Variants in SPATA13 observed in about 807,000 individuals in gnomAD.
The protein encoded by SPATA13 is spermatogenesis-associated protein 13.
Under a neutral mutation model 104.0 loss-of-function variants are expected in SPATA13, and 50 were observed. The ratio of observed to expected loss-of-function variants is 0.48; its 90% CI spans 0.38 to 0.61. The LOEUF (loss-of-function observed/expected upper bound fraction) is 0.61, where lower values mean the gene tolerates loss of function less well. SPATA13 is among the 20% of genes least tolerant of loss of function. The pLI is 0.00. For missense variants in SPATA13, 1,524 were observed against 1,690.6 expected (o/e 0.90, Z 1.73); for synonymous variants, 606 against 667.5 (o/e 0.91, Z 1.42).
rs1335977005 is a variant in SPATA13, at chr13:24,249,501, C to T, written c.1678C>T (p.Arg560Ter). 8 of 1,582,656 alleles carry T rather than the reference C, an allele frequency of 5.1e-6. No homozygotes were observed. Among genetic ancestry groups the T allele is most frequent in the African/African-American group, 1.4e-5 (1 of 74,056 alleles). ...GGTCGTCCCTGATGGCCCCTGGAGG[C>T]GAAGCTCATCACAGGATGAGGAAAG... is the stretch of plus-strand genomic sequence containing the variant. ...EEVVPDGPWR[R>*]SSSQDEERTE... The change falls in exon 3 of 13, where the codon CGA (arginine) becomes TGA (stop). Residue 560 changes from arginine (R) to a stop codon, truncating the protein, a stop_gained. Coordinates refer to ENST00000382108, the MANE Select transcript of SPATA13 (RefSeq NM_001166271.3). LOFTEE classifies it high-confidence loss of function.
At chr13:24,000,024 T>C (rs1432870708) in intron 2 of SPATA13, among the ~76,000 whole-genome samples, 1 of 152,220 alleles carries the variant, frequency 6.6e-6, no homozygotes, top group Non-Finnish European at 1.5e-5. Flanking sequence ...AAAATAGTGC[T>C]TGCCCTCATT....
At chr13:24,171,500 T>A (rs1882965805) in intron 1 of SPATA13, among the ~76,000 whole-genome samples, 1 of 152,092 alleles carries the variant, frequency 6.6e-6, no homozygotes, top group African/African-American at 2.4e-5. Context: ...CAGATGACAG[T>A]GGGAGTGCCA....
At position 24,214,396 on chromosome 13, in the gene SPATA13, G is replaced by A. The variant is rs547721954; in HGVS notation, c.-111-8423G>A. Among the ~76,000 whole-genome samples, 9 of 152,286 alleles carry A rather than the reference G, an allele frequency of 5.9e-5. No homozygotes were observed. In the South Asian group the frequency reaches 1.9e-3, roughly 32 times the overall value. On this transcript the variant is annotated intron_variant, in intron 1 of 12. Transcript: ENST00000382108. ...AACTATCAACTTTACATGTTACCAA[G>A]AAAGGTGTCACGCCATGAGAATAAT...
intron 4 of SPATA13, among the ~76,000 whole-genome samples, chr13:24,275,945 C>A (rs1013913952): frequency 6.6e-6 from 1 of 152,132 alleles, no homozygotes; most frequent in East Asian, 1.9e-4. Context: ...CACCCCTCCC[C>A]CAAAAAATGT....
chr13:24,023,631 A>G (rs1877080356), intron 3 of SPATA13, among the ~76,000 whole-genome samples: 1 of 152,166 alleles, frequency 6.6e-6, no homozygotes, highest in South Asian at 2.1e-4. Context: ...GCCCAGTGTA[A>G]TAACAAGGGT....
intron 2 of SPATA13, among the ~76,000 whole-genome samples, chr13:24,010,712 A>C: frequency 2.0e-5 from 3 of 147,576 alleles, no homozygotes; most frequent in Admixed American, 6.7e-5. Flanking sequence ...CTTCCTCCCC[A>C]CTCCTCCCTC....
chr13:24,148,646 T>C (rs1273617785), intron 3 of SPATA13, among the ~76,000 whole-genome samples: 2 of 152,206 alleles, frequency 1.3e-5, no homozygotes, highest in Admixed American at 1.3e-4. Context: ...AGAACTTGGT[T>C]GAAGAGTTGA....
intron 4 of SPATA13, among the ~76,000 whole-genome samples, chr13:24,276,894 G>T (rs1223808043): frequency 1.3e-5 from 2 of 152,200 alleles, no homozygotes; most frequent in South Asian, 2.1e-4. Flanking sequence ...GAGGAACTCT[G>T]CCCAGCAGAG....
intron 2 of SPATA13, among the ~76,000 whole-genome samples, chr13:23,995,257 A>G (rs566184662): frequency 1.3e-5 from 2 of 152,298 alleles, no homozygotes; most frequent in South Asian, 2.1e-4. Flanking sequence ...TTTTATCCCT[A>G]GAAAGACAAA....
At chr13:24,169,854 C>T (rs1882896761) in intron 1 of SPATA13, among the ~76,000 whole-genome samples, 2 of 152,310 alleles carry the variant, frequency 1.3e-5, no homozygotes, top group Non-Finnish European at 2.9e-5. Flanking sequence ...TGCCTGCAGA[C>T]TCCACTCGGC....
intron 3 of SPATA13, among the ~76,000 whole-genome samples, chr13:24,090,210 C>T (rs1879867159): frequency 6.6e-6 from 1 of 151,948 alleles, no homozygotes; most frequent in South Asian, 2.1e-4. Context: ...CCCTTATGGA[C>T]TTTCCTCTGC....
intron 3 of SPATA13, among the ~76,000 whole-genome samples, chr13:24,100,227 T>C (rs1017985502): frequency 1.6e-4 from 25 of 152,204 alleles, no homozygotes; most frequent in African/African-American, 6.0e-4. Flanking sequence ...GGTCTTTCAA[T>C]GTGTTTACTG....
intron 3 of SPATA13, among the ~76,000 whole-genome samples, chr13:24,153,453 C>T (rs1439600693): frequency 6.6e-6 from 1 of 152,206 alleles, no homozygotes; most frequent in Non-Finnish European, 1.5e-5. Context: ...AGCTAGGGTT[C>T]TGCTAGTACA....
intron 3 of SPATA13, among the ~76,000 whole-genome samples, chr13:24,027,083 C>G (rs969561299): frequency 1.4e-5 from 2 of 147,684 alleles, no homozygotes; most frequent in African/African-American, 5.0e-5. Flanking sequence ...TCTTTTCTCT[C>G]TTATATCCCT....
At chr13:24,118,633 C>T (rs1880929640) in intron 3 of SPATA13, among the ~76,000 whole-genome samples, 1 of 152,104 alleles carries the variant, frequency 6.6e-6, no homozygotes, top group South Asian at 2.1e-4. Context: ...TGCATTTTCA[C>T]CAAGTTCCTG....
intron 3 of SPATA13, among the ~76,000 whole-genome samples, chr13:24,103,543 A>G (rs949069740): frequency 5.7e-5 from 8 of 140,666 alleles, no homozygotes; most frequent in Non-Finnish European, 1.2e-4. Flanking sequence ...AGAGAGAGAG[A>G]AGAGAGAGAG....
intron 1 of SPATA13, among the ~76,000 whole-genome samples, chr13:24,165,924 T>A (rs1882712835): frequency 6.6e-6 from 1 of 152,228 alleles, no homozygotes; most frequent in South Asian, 2.1e-4. Flanking sequence ...ACATGTACTT[T>A]TAAACACATC....
chr13:24,037,914 C>T (rs985588930), intron 3 of SPATA13, among the ~76,000 whole-genome samples: 2 of 151,750 alleles, frequency 1.3e-5, no homozygotes, highest in Non-Finnish European at 2.9e-5. Context: ...AACAACTAGA[C>T]TAGATTTTTT....
chr13:24,284,075 A>G, intron 4 of SPATA13, 60 bp from the exon 5 acceptor site: 3 of 1,544,414 alleles, frequency 1.9e-6, no homozygotes, highest in Non-Finnish European at 2.6e-6. Context: ...TTTTTTCATC[A>G]TATGAAAAAA....
Sources: allele counts gnomAD v4.1 joint callset (sites outside exome capture counted in the v4.1 genomes callset), GRCh38; gene constraint gnomAD v4.1.1; transcripts MANE v1.5; gene names NCBI Gene and HGNC (gene_info 2026-07-23, HGNC 2026-07-21).